Variants in PTPRT observed in about 807,000 individuals in gnomAD.
The protein encoded by PTPRT is protein tyrosine phosphatase receptor type T, also known as receptor-type tyrosine-protein phosphatase T.
PTPRT carries 56 observed loss-of-function variants against 176.8 expected under a neutral mutation model. That is an observed-to-expected ratio of 0.32 (90% CI 0.26 to 0.40). The LOEUF is 0.40. PTPRT is among the 10% of genes least tolerant of loss of function. The pLI is 1.00. For synonymous variants in PTPRT, 783 were observed against 739.0 expected (o/e 1.06, Z -0.96); for missense variants, 1,540 against 1,908.2 (o/e 0.81, Z 3.60).
intron 1 of PTPRT, among the ~76,000 whole-genome samples, chr20:42,960,242 C>T (rs568731954): frequency 1.2e-4 from 18 of 152,180 alleles, no homozygotes; most frequent in Non-Finnish European, 2.4e-4. Context: ...CAATTGTAGA[C>T]GTTTATTTTT....
At chr20:42,211,325 A>C (rs1276905388) in intron 15 of PTPRT, among the ~76,000 whole-genome samples, 9 of 151,360 alleles carry the variant, frequency 5.9e-5, no homozygotes, top group Admixed American at 2.0e-4. Flanking sequence ...GAGCTTCTGC[A>C]CAGCAAAAGA....
intron 4 of PTPRT, among the ~76,000 whole-genome samples, chr20:42,775,048 A>C (rs971043759): frequency 1.1e-4 from 16 of 152,192 alleles, no homozygotes; most frequent in Non-Finnish European, 2.4e-4. Context: ...ATCTTCAGCC[A>C]AACATGGTTG....
At chr20:42,847,830 G>C (rs1056521116) in intron 2 of PTPRT, among the ~76,000 whole-genome samples, 1 of 152,240 alleles carries the variant, frequency 6.6e-6, no homozygotes, top group Non-Finnish European at 1.5e-5. Context: ...AGAAAACAGA[G>C]GTCTTTAAAA....
intron 1 of PTPRT, among the ~76,000 whole-genome samples, chr20:43,060,126 A>C (rs1455250253): frequency 6.6e-6 from 1 of 151,918 alleles, no homozygotes; most frequent in African/African-American, 2.4e-5. Context: ...CCACATTTTC[A>C]GGTGTTTGGC....
intron 4 of PTPRT, among the ~76,000 whole-genome samples, chr20:42,772,911 T>G (rs1274282376): frequency 6.6e-6 from 1 of 152,222 alleles, no homozygotes; most frequent in Admixed American, 6.5e-5. Flanking sequence ...CTATTATGAT[T>G]TCCCTGTTAG....
chr20:42,983,866 G>A (rs1003557409), intron 1 of PTPRT, among the ~76,000 whole-genome samples: 13 of 152,234 alleles, frequency 8.5e-5, no homozygotes, highest in African/African-American at 9.6e-5. Flanking sequence ...CCCTGGGCAC[G>A]CTGGCCCCAT....
chr20:42,085,903 T>C (rs776545461), intron 27 of PTPRT, 50 bp from the exon 28 acceptor site: 1 of 1,516,468 alleles, frequency 6.6e-7, no homozygotes, highest in South Asian at 1.2e-5. Context: ...AGGGGGCGGG[T>C]ATCAAAGTCT....
At chr20:42,577,490 T>C (rs2073281761) in intron 7 of PTPRT, among the ~76,000 whole-genome samples, 1 of 152,204 alleles carries the variant, frequency 6.6e-6, no homozygotes, top group Admixed American at 6.5e-5. Flanking sequence ...ACCTGTTGTT[T>C]CTCTCCTGAC....
intron 7 of PTPRT, among the ~76,000 whole-genome samples, chr20:42,665,242 CA>C: frequency 6.6e-6 from 1 of 152,054 alleles, no homozygotes; most frequent in South Asian, 2.1e-4. Context: ...TGAACTCAAA[CA>C]AATTTACAAG....
At chr20:43,167,449 G>A (rs1444500089) in intron 1 of PTPRT, among the ~76,000 whole-genome samples, 2 of 152,150 alleles carry the variant, frequency 1.3e-5, no homozygotes, top group African/African-American at 2.4e-5. Flanking sequence ...AAGAGGTGGG[G>A]TGGGAGTTAA....
At chr20:43,046,444 T>C (rs1986842377) in intron 1 of PTPRT, among the ~76,000 whole-genome samples, 1 of 151,182 alleles carries the variant, frequency 6.6e-6, no homozygotes, top group Non-Finnish European at 1.5e-5. Context: ...GGAGCGCGCC[T>C]GTAGTCCCAG....
Position 43,189,669 on chromosome 20 carries a change from C to T in PTPRT, c.65G>A (p.Gly22Asp), listed in dbSNP as rs1283951530. The T allele has an allele frequency of 7.6e-7, 1 of 1,317,726 alleles. No homozygotes were observed. The highest frequency in any genetic ancestry group is 1.5e-5 in the African/African-American group (1 of 64,722). The allele number at this position is 1,317,726 out of a possible 1,614,324, so 81.6% of individuals were successfully genotyped here. Residue 22 changes from glycine to aspartate, a missense_variant, in exon 1 of 31, where the codon GGC (glycine) becomes GAC (aspartate). By Grantham distance (94) the Gly-to-Asp change is moderately conservative. Transcript: ENST00000373187. This position sits in a 1 kb window ranked among gnomAD's most constrained non-coding sequence, Gnocchi z 5.0. ...ACCTGCGGCGCTCTGAGCCCGGGCG[C>T]CGGGCAGTGGCGGCAGCTGCAGCCT... Reference protein sequence around the residue: ...LLRLQLPPLPGARAQSAAGGC... With the variant: ...LLRLQLPPLPDARAQSAAGGC...
chr20:42,101,928 A>G lies in PTPRT; in HGVS notation c.3714+196T>C, dbSNP rs185483402. ...TCTTTCCAGGCTCTTTGTATGAGAAAAGGAGCCAAGAGCCCACCTTGTGTC... is the reference window on the plus strand; with the variant it reads ...TCTTTCCAGGCTCTTTGTATGAGAAGAGGAGCCAAGAGCCCACCTTGTGTC... On this transcript the variant is annotated intron_variant, in intron 26 of 30. Transcript: ENST00000373187. 3.4e-3 allele frequency among the ~76,000 whole-genome samples: 519 copies of G among 152,316 alleles called. 1 individual carries two copies. The highest frequency in any genetic ancestry group is 0.01 in the Middle Eastern group (3 of 294).
chr20:42,079,689 CT>C lies in PTPRT; in HGVS notation c.*1189del. ...AAAGTATAATGGGCTCCACAATGGC[CT>C]TTTTCAAGGTGGCTGCTGGGTTTCT... On this transcript the variant is annotated 3_prime_UTR_variant, in exon 31 of 31. Transcript: ENST00000373187. 3 of 229,202 alleles carry C rather than the reference CT, an allele frequency of 1.3e-5. No individual in the cohort carries two copies. The highest frequency in any genetic ancestry group is 1.7e-5 in the Non-Finnish European group (2 of 115,500). The allele number at this position is 229,202 out of a possible 1,614,324, so 14.2% of individuals were successfully genotyped here.
chr20:42,309,769 T>C (rs1369668515), intron 12 of PTPRT, among the ~76,000 whole-genome samples: 4 of 152,164 alleles, frequency 2.6e-5, no homozygotes, highest in African/African-American at 9.7e-5. Context: ...ATGTGTTAAA[T>C]AGTACACTCA....
At chr20:42,590,927 CGTGTGTGT>C (rs11468131) in intron 7 of PTPRT, among the ~76,000 whole-genome samples, 5,680 of 131,038 alleles carry the variant, frequency 0.043, 322 homozygotes, top group African/African-American at 0.13. Context: ...AGAGATTTAG[CGTGTGTGT>C]GTGTGTGTGT....
At chr20:42,667,798 G>A (rs2075341798) in intron 7 of PTPRT, among the ~76,000 whole-genome samples, 1 of 152,118 alleles carries the variant, frequency 6.6e-6, no homozygotes, top group Non-Finnish European at 1.5e-5. Flanking sequence ...CCTTCCTCAG[G>A]GTGCCACTTT....
chr20:42,891,962 T>C (rs1568664241), intron 1 of PTPRT, among the ~76,000 whole-genome samples: 1 of 152,242 alleles, frequency 6.6e-6, no homozygotes, highest in Non-Finnish European at 1.5e-5. Flanking sequence ...GTTCTACCAC[T>C]GCAGTGCAAA....
intron 7 of PTPRT, among the ~76,000 whole-genome samples, chr20:42,504,168 A>G (rs973110592): frequency 6.6e-6 from 1 of 152,104 alleles, no homozygotes; most frequent in Non-Finnish European, 1.5e-5. Context: ...AAAATAGAGG[A>G]TTTTATTTTT....
Sources: allele counts gnomAD v4.1 joint callset (sites outside exome capture counted in the v4.1 genomes callset), GRCh38; gene constraint gnomAD v4.1.1; non-coding constraint Gnocchi (gnomAD v3.1); transcripts MANE v1.5; gene names NCBI Gene and HGNC (gene_info 2026-07-23, HGNC 2026-07-21).